UNC79: variants seen among roughly 807,000 people sequenced by gnomAD.
UNC79 encodes the protein unc-79 subunit of NALCN channel complex.
Under a neutral mutation model 283.1 loss-of-function variants are expected in UNC79, and 37 were observed. That is an observed-to-expected ratio of 0.13 (90% CI 0.10 to 0.17). The LOEUF (loss-of-function observed/expected upper bound fraction) is 0.17. Among genes scored for constraint, UNC79 ranks in the 10% least tolerant of loss-of-function variants. UNC79 has a pLI of 1.00. For synonymous variants in UNC79, 1,107 were observed against 1,200.2 expected, an observed-to-expected ratio of 0.92 and a Z score of 1.61; for missense variants, 2,272 against 3,211.1, an observed-to-expected ratio of 0.71 and a Z score of 7.07.
At chr14:93,701,136 A>G (rs1352018577) in intron 47 of UNC79, among the ~76,000 whole-genome samples, 1 of 152,194 alleles carries the variant, frequency 6.6e-6, no homozygotes, top group African/African-American at 2.4e-5. Context: ...TCCTGCTGCC[A>G]GTGCTACTGC....
intron 47 of UNC79, among the ~76,000 whole-genome samples, chr14:93,702,161 T>A (rs2075577738): frequency 6.6e-6 from 1 of 152,190 alleles, no homozygotes; most frequent in South Asian, 2.1e-4. Context: ...TAGATAAATT[T>A]TTTTTTTCCA....
intron 1 of UNC79, among the ~76,000 whole-genome samples, chr14:93,376,446 A>T (rs1003776126): frequency 1.3e-5 from 2 of 152,238 alleles, no homozygotes; most frequent in African/African-American, 4.8e-5. Flanking sequence ...AAGAAAAAAA[A>T]ATCACAGGGG....
chr14:93,624,632 G>A (rs938286723), intron 30 of UNC79, among the ~76,000 whole-genome samples: 1 of 152,172 alleles, frequency 6.6e-6, no homozygotes, highest in Non-Finnish European at 1.5e-5. Context: ...TAACAGAACA[G>A]GGGAAAAATA....
chr14:93,603,297 C>T, exon 26 of UNC79: 1 of 1,614,158 alleles, frequency 6.2e-7, no homozygotes, highest in Non-Finnish European at 8.5e-7. Context: ...TATGGAAGAT[C>T]AAGAGAGCTC....
At chr14:93,666,526 A>G (rs577333126) in intron 40 of UNC79, among the ~76,000 whole-genome samples, 44 of 152,302 alleles carry the variant, frequency 2.9e-4, no homozygotes, top group African/African-American at 8.9e-4. Flanking sequence ...AAGTCACAAT[A>G]TATTGATAAG....
chr14:93,462,191 A>T (rs888169170), intron 1 of UNC79, among the ~76,000 whole-genome samples: 5 of 152,192 alleles, frequency 3.3e-5, no homozygotes, highest in Admixed American at 2.0e-4. Context: ...CTGTAATCCC[A>T]GCTACTGGCA....
chr14:93,364,251 CT>C (rs1214835747), intron 1 of UNC79, among the ~76,000 whole-genome samples: 9 of 152,168 alleles, frequency 5.9e-5, no homozygotes, highest in Non-Finnish European at 1.0e-4. Flanking sequence ...GTGCCCTCTT[CT>C]ATTCATTAGC....
chr14:93,627,399 A>G (rs906587582), intron 30 of UNC79, among the ~76,000 whole-genome samples: 1 of 152,182 alleles, frequency 6.6e-6, no homozygotes, highest in East Asian at 1.9e-4. Flanking sequence ...AATGCTGTGT[A>G]ACAAACACCT....
chr14:93,362,846 T>G (rs2054253902), intron 1 of UNC79, among the ~76,000 whole-genome samples: 1 of 152,170 alleles, frequency 6.6e-6, no homozygotes, highest in South Asian at 2.1e-4. Flanking sequence ...TTTTGTTATT[T>G]CTGCTTGGGT....
exon 14 of UNC79, chr14:93,542,565 G>A (rs2061426727): frequency 1.2e-5 from 19 of 1,614,208 alleles, no homozygotes; most frequent in Non-Finnish European, 1.5e-5. Context: ...GTATATGATG[G>A]ATGATGAAGT....
chr14:93,449,507 A>G (rs1264444397), intron 1 of UNC79, among the ~76,000 whole-genome samples: 1 of 152,070 alleles, frequency 6.6e-6, no homozygotes, highest in Admixed American at 6.6e-5. Context: ...AATCCCAGCT[A>G]CTTGGGAAGA....
At chr14:93,361,347 C>A (rs1412567521) in intron 1 of UNC79, among the ~76,000 whole-genome samples, 3 of 151,008 alleles carry the variant, frequency 2.0e-5, no homozygotes, top group South Asian at 4.2e-4. Flanking sequence ...TTTATTGAGA[C>A]CCTATCTCTA....
chr14:93,586,952 CTT>C, intron 22 of UNC79, 44 bp downstream of exon 22: 1 of 1,586,756 alleles, frequency 6.3e-7, no homozygotes, highest in Non-Finnish European at 8.6e-7. Context: ...ATACATTAGG[CTT>C]TAGTTGTGAA....
chr14:93,493,888 TA>T (rs1566998125), intron 5 of UNC79, among the ~76,000 whole-genome samples: 8 of 66,352 alleles, frequency 1.2e-4, no homozygotes, highest in African/African-American at 1.6e-4. Context: ...TATATATATA[TA>T]TATATATATA....
chr14:93,579,017 T>C lies in UNC79; in HGVS notation c.2433+954T>C, dbSNP rs117184826. 8.1e-4 allele frequency among the ~76,000 whole-genome samples: 123 copies of C among 152,320 alleles called. 1 individual carries two copies. The East Asian group carries it at 0.023, about 28-fold the overall frequency. On this transcript the variant is annotated intron_variant, in intron 18 of 48. Coordinates refer to ENST00000555664, the Ensembl canonical transcript of UNC79. ...GGTACCTCGTAGGTGTCTATACTTA[T>C]GGGGCCTTGACATTTTTGAAGAGTA...
In UNC79 at chr14:93,660,563, A is replaced by ATGTGTGTGTG. The variant is rs1555394962; in HGVS notation, c.6525+1310_6525+1319dup. Among the ~76,000 whole-genome samples, 101 of 64,616 alleles carry ATGTGTGTGTG rather than the reference A, an allele frequency of 1.6e-3. 2 individuals are homozygous for ATGTGTGTGTG. The highest frequency in any genetic ancestry group is 2.4e-3 in the Non-Finnish European group (81 of 34,258). The allele number at this position is 64,616 out of a possible 152,430, so 42.4% of individuals were successfully genotyped here. On this transcript the variant is annotated intron_variant, in intron 39 of 48. Transcript: ENST00000555664. The stretch of plus-strand genomic sequence containing the variant: ...TATATATATATATATATATATATAT[A>ATGTGTGTGTG]TGTGTGTGTGTGTGTGTTCATTTTA...
intron 31 of UNC79, among the ~76,000 whole-genome samples, chr14:93,636,343 C>T (rs1057278629): frequency 2.6e-5 from 4 of 152,116 alleles, no homozygotes; most frequent in East Asian, 1.9e-4. Flanking sequence ...TCGTGGTTCT[C>T]GAGTCACCAA....
In UNC79 at chr14:93,603,245, CTG is replaced by C; in HGVS notation, c.3582_3583del (p.Ala1195CysfsTer7). On this transcript the variant is annotated frameshift_variant, in exon 26 of 49. Coordinates refer to ENST00000555664, the Ensembl canonical transcript of UNC79. LOFTEE classifies it high-confidence loss of function. ...TTTAATTCCTTTTGCAAAGCCATCA[CTG>C]CTGTGAGGACCAATGTTGCTAACCT... 6.2e-7 allele frequency: 1 copy of C among 1,614,138 alleles called. No individual in the cohort carries two copies. The highest frequency in any genetic ancestry group is 8.5e-7 in the Non-Finnish European group (1 of 1,179,990).
chr14:93,656,003 T>C (rs1403084821), intron 38 of UNC79, among the ~76,000 whole-genome samples: 1 of 152,176 alleles, frequency 6.6e-6, no homozygotes, highest in Non-Finnish European at 1.5e-5. Context: ...ATAAAGATCA[T>C]CCCTTCCAAT....
Sources: allele counts gnomAD v4.1 joint callset (sites outside exome capture counted in the v4.1 genomes callset), GRCh38; gene constraint gnomAD v4.1.1; transcripts MANE v1.5; gene names NCBI Gene and HGNC (gene_info 2026-07-23, HGNC 2026-07-21).